Variants in ATP7B observed in about 807,000 individuals in gnomAD.
The protein encoded by ATP7B is ATPase copper transporting beta, also known as copper-transporting ATPase 2.
ATP7B carries 113 observed loss-of-function variants against 118.9 expected under a neutral mutation model. That is an observed-to-expected ratio of 0.95 (90% CI 0.82 to 1.11). The LOEUF is 1.11. Among genes scored for constraint, ATP7B ranks in the 50% most tolerant of loss-of-function variants. The probability of loss-of-function intolerance (pLI) is 0.00; values close to 1 mark genes in which losing one functional copy is unlikely to be tolerated. For missense variants in ATP7B, 1,867 were observed against 1,871.4 expected, an observed-to-expected ratio of 1.00 and a Z score of 0.04; for synonymous variants, 777 against 727.4, an observed-to-expected ratio of 1.07 and a Z score of -1.10.
chr13:51,945,221 T>C (rs186905175), intron 13 of ATP7B, among the ~76,000 whole-genome samples: 64 of 152,294 alleles, frequency 4.2e-4, no homozygotes, highest in African/African-American at 1.4e-3. Flanking sequence ...CTACGTGGCT[T>C]CTAGGCTAAC....
chr13:51,935,166 A>G, intron 20 of ATP7B, 137 bp from the exon 21 acceptor site: 2 of 1,258,684 alleles, frequency 1.6e-6, no homozygotes, highest in East Asian at 2.5e-5. Flanking sequence ...AAGGAAAAGG[A>G]CATTAAACTC....
At position 51,956,969 on chromosome 13, in the gene ATP7B, A is replaced by G. The variant is rs143725416; in HGVS notation, c.2447+547T>C. Among the ~76,000 whole-genome samples the G allele has an allele frequency of 6.1e-3, 930 of 152,272 alleles. 3 individuals carry two copies. The highest frequency in any genetic ancestry group is 0.02 in the African/African-American group (841 of 41,540). On this transcript the variant is annotated intron_variant, in intron 9 of 20. Coordinates refer to ENST00000242839, the MANE Select transcript of ATP7B (RefSeq NM_000053.4). ...TCAGCTTCCTCATCTGTAAATTAAG[A>G]GTAATAATAGTCCCTGCCTCAGAAA...
intron 1 of ATP7B, among the ~76,000 whole-genome samples, chr13:52,003,485 C>T (rs1953620658): frequency 6.6e-6 from 1 of 152,132 alleles, no homozygotes; most frequent in Non-Finnish European, 1.5e-5. Context: ...GATCACAGAT[C>T]ACCGTAACAG....
At chr13:51,950,893 C>T (rs973411749) in intron 9 of ATP7B, among the ~76,000 whole-genome samples, 14 of 151,950 alleles carry the variant, frequency 9.2e-5, no homozygotes, top group African/African-American at 3.4e-4. Context: ...AGGAAGGGTG[C>T]GTCTGAGAAA....
In ATP7B at chr13:51,965,675, A is replaced by G. The variant is rs142035699; in HGVS notation, c.1708-642T>C. Among the ~76,000 whole-genome samples, 194 of 152,326 alleles carry G rather than the reference A, an allele frequency of 1.3e-3. 2 individuals carry two copies. The East Asian group carries it at 0.017, about 13-fold the overall frequency. On this transcript the variant is annotated intron_variant, in intron 4 of 20. Transcript: ENST00000242839. ...GACGACAGGCAGGATAGCATGATGTATTCAGGCAAACATCAAAAGCCAGGC... is the reference window on the plus strand; with the variant it reads ...GACGACAGGCAGGATAGCATGATGTGTTCAGGCAAACATCAAAAGCCAGGC...
Position 51,975,093 on chromosome 13 carries a change from C to A in ATP7B, c.127G>T (p.Gly43Cys). The change falls in exon 2 of 21, where the codon GGC becomes TGC. Residue 43 changes from glycine (G) to cysteine (C), a missense_variant. Gly to Cys is a radical substitution (Grantham distance 159). Coordinates refer to ENST00000242839, the MANE Select transcript of ATP7B (RefSeq NM_000053.4). ...AGGCCATCCAGACCACCTTCATAGC[C>A]AACATTGTCAAAAGCAAAACTCTTC... ...MKKSFAFDNV[G>C]YEGGLDGLGP... The A allele has an allele frequency of 6.2e-7, 1 of 1,614,202 alleles. No individual in the cohort carries two copies. Among genetic ancestry groups the A allele is most frequent in the Non-Finnish European group, 8.5e-7 (1 of 1,180,034 alleles).
At chr13:51,945,646 TACTC>T (rs1313499404) in intron 13 of ATP7B, among the ~76,000 whole-genome samples, 15 of 152,332 alleles carry the variant, frequency 9.8e-5, no homozygotes, top group Admixed American at 9.1e-4. Flanking sequence ...TATCTCGTAA[TACTC>T]AGTCAGCTTT....
At chr13:51,973,771 C>T (rs1951955657) in intron 2 of ATP7B, among the ~76,000 whole-genome samples, 164 bp downstream of exon 2, 1 of 152,200 alleles carries the variant, frequency 6.6e-6, no homozygotes, top group Non-Finnish European at 1.5e-5. Context: ...ATTATATTTC[C>T]TCTATCTTAA....
intron 1 of ATP7B, among the ~76,000 whole-genome samples, chr13:51,983,911 C>T (rs1427344726): frequency 6.6e-6 from 1 of 152,114 alleles, no homozygotes; most frequent in Non-Finnish European, 1.5e-5. Context: ...CCGAAGGTCA[C>T]CAACATCAAA....
intron 4 of ATP7B, chr13:51,966,981 C>T (rs1378789269): frequency 2.5e-6 from 4 of 1,613,288 alleles, no homozygotes; most frequent in Non-Finnish European, 3.4e-6. Context: ...CAGCTGATGG[C>T]AGAAAAACAC....
chr13:51,965,141 A>T (rs1951483262), intron 4 of ATP7B, 108 bp from the exon 5 acceptor site: 1 of 1,383,852 alleles, frequency 7.2e-7, no homozygotes, highest in Non-Finnish European at 1.0e-6. Context: ...TTCCCTCCTC[A>T]GCACTGCTCT....
At chr13:51,938,495 C>A (rs1490180720) in intron 17 of ATP7B, among the ~76,000 whole-genome samples, 1 of 152,228 alleles carries the variant, frequency 6.6e-6, no homozygotes, top group Admixed American at 6.5e-5. Flanking sequence ...TGCTGCTTCC[C>A]TCAAGGAACA....
chr13:51,940,801 G>T (rs1471068014), intron 16 of ATP7B, among the ~76,000 whole-genome samples: 1 of 152,140 alleles, frequency 6.6e-6, no homozygotes, highest in African/African-American at 2.4e-5. Flanking sequence ...ACTCTGAACT[G>T]CCCACCTGGA....
chr13:51,941,791 C>G (rs962632404), intron 15 of ATP7B, among the ~76,000 whole-genome samples: 2 of 152,172 alleles, frequency 1.3e-5, no homozygotes, highest in African/African-American at 4.8e-5. Context: ...GTTTTAAAGG[C>G]TGGAAGGTGG....
chr13:51,938,227 G>A (rs1957090268), intron 17 of ATP7B, among the ~76,000 whole-genome samples: 1 of 152,162 alleles, frequency 6.6e-6, no homozygotes, highest in East Asian at 1.9e-4. Context: ...TCCTGGGAAG[G>A]TGCAGTTTTC....
intron 2 of ATP7B, among the ~76,000 whole-genome samples, chr13:51,972,536 C>A (rs1356143549): frequency 1.3e-5 from 2 of 152,206 alleles, no homozygotes; most frequent in East Asian, 3.9e-4. Context: ...CCATCACACA[C>A]CCCTCTTGGT....
In ATP7B at chr13:51,933,751, C is replaced by A. The variant is rs563813110; in HGVS notation, c.*1005G>T. 225 of 152,360 alleles carry A rather than the reference C, an allele frequency of 1.5e-3. No homozygotes were observed. Among genetic ancestry groups the A allele is most frequent in the Middle Eastern group, 3.4e-3 (1 of 296 alleles). The allele number at this position is 152,360 out of a possible 1,614,324, so 9.4% of individuals were successfully genotyped here. A position where few individuals can be genotyped will look rare whatever the true frequency, so the allele number is the denominator to read the frequency against. On this transcript the variant is annotated 3_prime_UTR_variant, in exon 21 of 21. Transcript: ENST00000242839. Reference sequence around the variant, plus strand: ...CACATGAATTCTCTACTGAACCCCACGAGGTGACAGTCAGAAGACTGAAAA... The same window carrying A: ...CACATGAATTCTCTACTGAACCCCAAGAGGTGACAGTCAGAAGACTGAAAA...
At position 51,934,476 on chromosome 13, in the gene ATP7B, G is replaced by C; in HGVS notation, c.*280C>G. The C allele has an allele frequency of 2.0e-6, 1 of 505,184 alleles. No individual in the cohort carries two copies. The highest frequency in any genetic ancestry group is 3.6e-6 in the Non-Finnish European group (1 of 276,126). 31.3% of individuals were successfully genotyped at this position (505,184 alleles called of 1,614,324 possible). ...CAGAGGTCTGTGAGGAGGGTGACTC[G>C]CCTCTCACCTTCTACAGTCCAGCCA... is the stretch of plus-strand genomic sequence containing the variant. On this transcript the variant is annotated 3_prime_UTR_variant, in exon 21 of 21. Coordinates refer to ENST00000242839, the MANE Select transcript of ATP7B (RefSeq NM_000053.4).
At chr13:51,996,074 T>C (rs1293267532) in intron 1 of ATP7B, among the ~76,000 whole-genome samples, 1 of 152,216 alleles carries the variant, frequency 6.6e-6, no homozygotes, top group Non-Finnish European at 1.5e-5. Context: ...GCTCCAATGT[T>C]GGCAGCGTGC....
Sources: gnomAD v4.1 joint callset for allele counts (sites outside exome capture counted in the v4.1 genomes callset) on GRCh38, gnomAD v4.1.1 for gene constraint, MANE v1.5 for transcripts, NCBI Gene and HGNC (gene_info 2026-07-23, HGNC 2026-07-21) for gene names.